TAFAZZIN: variants seen among roughly 807,000 people sequenced by gnomAD.
The protein encoded by TAFAZZIN is protein G4.5.
TAFAZZIN carries 6 observed loss-of-function variants against 27.3 expected under a neutral mutation model. That is an observed-to-expected ratio of 0.22 (90% CI 0.12 to 0.43). TAFAZZIN has a LOEUF of 0.43. Among genes scored for constraint, TAFAZZIN ranks in the 20% least tolerant of loss-of-function variants. TAFAZZIN has a pLI of 1.00. For synonymous variants in TAFAZZIN, 79 were observed against 96.2 expected, an observed-to-expected ratio of 0.82 and a Z score of 1.04; for missense variants, 127 against 244.5, an observed-to-expected ratio of 0.52 and a Z score of 3.21.
chrX:154,413,665 C>G, intron 4 of TAFAZZIN, 98 bp downstream of exon 4: 1 of 884,993 alleles, frequency 1.1e-6, no homozygotes, highest in African/African-American at 1.9e-5. Context: ...GGGTAGGCAT[C>G]CCGGGAGCCA....
At chrX:154,415,614 G>A (rs2068464336) in intron 5 of TAFAZZIN, among the ~76,000 whole-genome samples, 1 of 111,762 alleles carries the variant, frequency 8.9e-6, no homozygotes, top group Non-Finnish European at 1.9e-5. Context: ...CAGGTGGGGT[G>A]GCTCACGCCT....
intron 1 of TAFAZZIN, 28 bp from the exon 2 acceptor site, chrX:154,412,058 G>A (rs2068323107): frequency 5.8e-6 from 7 of 1,209,537 alleles, no homozygotes; most frequent in Non-Finnish European, 6.7e-6. Flanking sequence ...GGCGAGCCCG[G>A]AGCGCCTGAC....
At chrX:154,420,834 G>A (rs2068610523) in intron 10 of TAFAZZIN, 69 bp from the exon 11 acceptor site, 2 of 1,183,063 alleles carry the variant, frequency 1.7e-6, no homozygotes, top group Non-Finnish European at 2.3e-6. Context: ...ACCCTCCCAG[G>A]GCACCCTCCC....
intron 5 of TAFAZZIN, among the ~76,000 whole-genome samples, chrX:154,416,905 G>T (rs956694990): frequency 9.0e-6 from 1 of 111,418 alleles, no homozygotes; most frequent in African/African-American, 3.3e-5. Flanking sequence ...GGAGGCCGAG[G>T]CGGGCGGATC....
At position 154,420,918 on chromosome X, in the gene TAFAZZIN, G is replaced by A; in HGVS notation, c.793G>A (p.Ala265Thr). The A allele has an allele frequency of 8.3e-7, 1 of 1,211,141 alleles. No homozygotes were observed. The highest frequency in any genetic ancestry group is 1.7e-5 in the African/African-American group (1 of 57,673). Residue 265 changes from alanine (A) to threonine (T), a missense_variant, in exon 11 of 11, where the codon GCC becomes ACC. This residue lies in a region of TAFAZZIN where 31 missense variants were observed against 39.6 expected (regional missense o/e 0.78). Transcript: ENST00000601016. ...ENKSAVEMRKALTDFIQEEFQ... is the reference protein window; with the variant it reads ...ENKSAVEMRKTLTDFIQEEFQ... ...TTTCCCTCAGGTGGAGATGCGGAAA[G>A]CCCTGACGGACTTCATTCAAGAGGA...
chrX:154,421,672 GT>G lies in TAFAZZIN; in HGVS notation c.*672del. 3.0e-6 allele frequency: 1 copy of G among 329,668 alleles called. No homozygotes were observed. Among genetic ancestry groups the G allele is most frequent in the South Asian group, 2.6e-5 (1 of 38,529 alleles). 27.2% of individuals were successfully genotyped at this position (329,668 alleles called of 1,213,427 possible). A position where few individuals can be genotyped will look rare whatever the true frequency, so the allele number is the denominator to read the frequency against. On this transcript the variant is annotated 3_prime_UTR_variant, in exon 11 of 11. Transcript: ENST00000601016. ...ACATCACTTGAATCCTAGGGCCTGG[GT>G]TTTCATGTTTTTGAAACAGAACCAT... is the stretch of plus-strand genomic sequence containing the variant.
chrX:154,414,074 G>C, intron 4 of TAFAZZIN, 27 bp from the exon 5 acceptor site: 1 of 1,077,306 alleles, frequency 9.3e-7, no homozygotes, highest in South Asian at 1.9e-5. Flanking sequence ...GCCAGGATTT[G>C]AATCCAGATT....
chrX:154,413,125 C>T, intron 2 of TAFAZZIN, 82 bp from the exon 3 acceptor site: 7 of 1,175,461 alleles, frequency 6.0e-6, no homozygotes, highest in Non-Finnish European at 8.1e-6. Flanking sequence ...GCTGCTGTCC[C>T]TCATTCCCTG....
At position 154,411,894 on chromosome X, in the gene TAFAZZIN, G is replaced by T. The variant is rs1603376560; in HGVS notation, c.51G>T (p.Trp17Cys). 4.1e-6 allele frequency: 5 copies of T among 1,207,561 alleles called. No homozygotes were observed. Among genetic ancestry groups the T allele is most frequent in the Non-Finnish European group, 5.6e-6 (5 of 894,250 alleles). Residue 17 changes from tryptophan to cysteine, a missense_variant, in exon 1 of 11, where the codon TGG (tryptophan) becomes TGT (cysteine). By Grantham distance (215) the Trp-to-Cys change is radical. This residue lies in a region of TAFAZZIN where 17 missense variants were observed against 16.2 expected (regional missense o/e 1.05). Coordinates refer to ENST00000601016, the MANE Select transcript of TAFAZZIN (RefSeq NM_000116.5). The stretch of plus-strand genomic sequence containing the variant: ...TCCCCGCGGTGCCGCCGCTCACCTG[G>T]ACCCTGGCCAGCAGCGTCGTCATGG... The part of the protein sequence containing the change: ...WPFPAVPPLT[W>C]TLASSVVMGL...
chrX:154,420,798 G>C, intron 10 of TAFAZZIN, 63 bp downstream of exon 10: 2 of 1,190,042 alleles, frequency 1.7e-6, no homozygotes, highest in Middle Eastern at 2.4e-4. Flanking sequence ...CTTCCAGCAG[G>C]GTGCCTCCAC....
intron 5 of TAFAZZIN, among the ~76,000 whole-genome samples, chrX:154,417,052 G>A (rs1293013482): frequency 2.7e-5 from 3 of 110,276 alleles, no homozygotes; most frequent in Middle Eastern, 4.6e-3. Flanking sequence ...GGAGAGTGGC[G>A]TGAACCCGGG....
intron 5 of TAFAZZIN, among the ~76,000 whole-genome samples, chrX:154,414,990 G>A (rs28757315): frequency 0.15 from 11,198 of 72,666 alleles, 570 homozygotes; most frequent in South Asian, 0.22. Flanking sequence ...ACTCCGTCTG[G>A]AAAAAAAAAA....
intron 4 of TAFAZZIN, 101 bp from the exon 5 acceptor site, chrX:154,414,000 C>G (rs1320013697): frequency 1.7e-6 from 1 of 578,882 alleles, no homozygotes; most frequent in African/African-American, 2.2e-5. Context: ...TCCCTATTCT[C>G]CAGACAGGGA....
chrX:154,415,928 T>C (rs1239031221), intron 5 of TAFAZZIN, among the ~76,000 whole-genome samples: 5 of 104,899 alleles, frequency 4.8e-5, no homozygotes, highest in Admixed American at 4.2e-4. Flanking sequence ...GACTGTGCTC[T>C]CTCATCCAGG....
At chrX:154,412,805 A>ACTGGAGCCCTTCAGAGCTCACC in intron 2 of TAFAZZIN, 1 of 263,952 alleles carries the variant, frequency 3.8e-6, no homozygotes, top group Middle Eastern at 1.3e-3. Flanking sequence ...ACCTAGCCAC[A>ACTGGAGCCCTTCAGAGCTCACC]CTGGAGCCCT....
rs2068574446 is a variant in TAFAZZIN at position 154,419,704 on chromosome X, G to A, written c.542-1G>A. 8.3e-7 allele frequency: 1 copy of A among 1,211,295 alleles called. No homozygotes were observed. Among genetic ancestry groups the A allele is most frequent in the Non-Finnish European group, 1.1e-6 (1 of 895,415 alleles). On this transcript the variant is annotated splice_acceptor_variant, in intron 6 of 10. Transcript: ENST00000601016. LOFTEE classifies it high-confidence loss of function. ...GCCTCGCCTCTGTGCTCTCTCACCAGGGAAAGTGAACATGAGTTCCGAATT... is the reference window on the plus strand; with the variant it reads ...GCCTCGCCTCTGTGCTCTCTCACCAAGGAAAGTGAACATGAGTTCCGAATT...
intron 9 of TAFAZZIN, 149 bp downstream of exon 9, chrX:154,420,413 C>A: frequency 1.2e-6 from 1 of 801,003 alleles, no homozygotes; most frequent in Non-Finnish European, 1.9e-6. Context: ...GACTTCCTGG[C>A]ACCGAGACAT....
chrX:154,413,819 A>G, intron 4 of TAFAZZIN: 1 of 444,286 alleles, frequency 2.3e-6, no homozygotes, highest in Non-Finnish European at 3.9e-6. Flanking sequence ...TCAAGGAGGC[A>G]TTATCCATAA....
At chrX:154,413,896 G>A (rs1286729336) in intron 4 of TAFAZZIN, among the ~76,000 whole-genome samples, 2 of 111,506 alleles carry the variant, frequency 1.8e-5, no homozygotes, top group Non-Finnish European at 3.8e-5. Context: ...GTCCATGGTG[G>A]CAGTAGCATG....
Sources: gnomAD v4.1 joint callset for allele counts (sites outside exome capture counted in the v4.1 genomes callset) on GRCh38, gnomAD v4.1.1 for gene constraint, gnomAD v4.1.1 regional missense constraint, MANE v1.5 for transcripts, NCBI Gene and HGNC (gene_info 2026-07-23, HGNC 2026-07-21) for gene names.